The following DMD variants were observed in gnomAD, a reference collection of about 807,000 sequenced individuals.
DMD encodes mutant dystrophin.
DMD carries 63 observed loss-of-function variants against 330.1 expected under a neutral mutation model. The ratio of observed to expected loss-of-function variants is 0.19; its 90% CI spans 0.16 to 0.24. DMD has a LOEUF of 0.24. Ranked by LOEUF, DMD falls within the 10% of genes least tolerant of loss-of-function variation. The probability of loss-of-function intolerance (pLI) is 1.00; values close to 1 mark genes in which losing one functional copy is unlikely to be tolerated. For missense variants in DMD, 3,344 were observed against 2,684.1 expected (o/e 1.25, Z -5.43); for synonymous variants, 1,223 against 959.8 (o/e 1.27, Z -5.07).
At chrX:32,730,087 T>C (rs977343668) in intron 7 of DMD, among the ~76,000 whole-genome samples, 2 of 112,011 alleles carry the variant, frequency 1.8e-5, no homozygotes, top group Admixed American at 9.5e-5. Context: ...AATCTCAGCA[T>C]TTTCGGAGGC....
At chrX:32,681,544 G>A (rs1036877576) in intron 9 of DMD, among the ~76,000 whole-genome samples, 4 of 111,527 alleles carry the variant, frequency 3.6e-5, no homozygotes, top group East Asian at 2.8e-4. Context: ...TATATTGCAG[G>A]ACCTGCTTCA....
intron 6 of DMD, 92 bp from the exon 7 acceptor site, chrX:32,809,703 T>G (rs978423184): frequency 1.1e-5 from 8 of 711,623 alleles, no homozygotes; most frequent in Non-Finnish European, 1.8e-5. Context: ...TAATTTTCAT[T>G]GACAACCAAT....
chrX:32,871,449 T>C (rs2082990744), intron 2 of DMD, among the ~76,000 whole-genome samples: 1 of 111,183 alleles, frequency 9.0e-6, no homozygotes, highest in Non-Finnish European at 1.9e-5. Flanking sequence ...GGAAGCTATA[T>C]ATGTGTACTT....
chrX:32,328,401 AC>A (rs1337545957), intron 41 of DMD, among the ~76,000 whole-genome samples: 24 of 111,701 alleles, frequency 2.1e-4, no homozygotes, highest in African/African-American at 7.8e-4. Flanking sequence ...ATGTCGTGAT[AC>A]CCTAATTCTA....
At chrX:33,038,394 T>C (rs1255664447) in intron 1 of DMD, among the ~76,000 whole-genome samples, 1 of 112,335 alleles carries the variant, frequency 8.9e-6, no homozygotes, top group Non-Finnish European at 1.9e-5. Flanking sequence ...GTGATTACTA[T>C]TAATATAAAC....
chrX:32,779,809 G>A (rs1186086592), intron 7 of DMD, among the ~76,000 whole-genome samples: 1 of 108,285 alleles, frequency 9.2e-6, no homozygotes, highest in Non-Finnish European at 1.9e-5. Flanking sequence ...CATGGCACAT[G>A]TATACATATG....
Position 32,464,712 on chromosome X carries a change from C to A in DMD, c.3163-13G>T. The A allele has an allele frequency of 1.8e-6, 2 of 1,094,995 alleles. No individual in the cohort carries two copies. The highest frequency in any genetic ancestry group is 1.8e-5 in the South Asian group (1 of 54,351). The allele number at this position is 1,094,995 out of a possible 1,213,427, so 90.2% of individuals were successfully genotyped here. ...TTTGTATGTGATTCTGAAACGAGAC[C>A]CGTTATAAGGCATTACTGGTGTGCT... On this transcript the variant is annotated splice_polypyrimidine_tract_variant and intron_variant, in intron 23 of 78. Transcript: ENST00000357033.
chrX:31,743,996 G>T (rs970337562), intron 51 of DMD, among the ~76,000 whole-genome samples: 1 of 110,642 alleles, frequency 9.0e-6, no homozygotes, highest in Admixed American at 9.6e-5. Context: ...AGCTGGCAGG[G>T]CTCCTTACAG....
intron 2 of DMD, among the ~76,000 whole-genome samples, chrX:33,002,850 G>GAAAAAAAAAAAAAAAAAAAAAAAAAAAA (rs145168802): frequency 2.6e-5 from 1 of 38,759 alleles, no homozygotes; most frequent in Non-Finnish European, 4.3e-5. Flanking sequence ...TTTTTTTCTC[G>GAAAAAAAAAAAAAAAAAAAAAAAAAAAA]AAAAAAAAAA....
rs150692967 is a variant in DMD, at chrX:32,501,789, T to C, written c.2346A>G (p.Arg782=). Residue 782 remains arginine (R), a synonymous_variant, in exon 19 of 79, where the codon AGA becomes AGG. Coordinates refer to ENST00000357033, the MANE Select transcript of DMD (RefSeq NM_004006.3). The part of the protein sequence containing the change: ...EKFRKLQDAS[R]SAQALVEQMV... ...TCTGTTCCACCAGGGCCTGAGCTGA[T>C]CTGCTGGCATCTTGCAGTTTTCTGA... 8.3e-7 allele frequency: 1 copy of C among 1,209,658 alleles called. No homozygotes were observed. The highest frequency in any genetic ancestry group is 1.1e-6 in the Non-Finnish European group (1 of 894,233).
At chrX:31,284,522 C>A (rs1385601998) in intron 62 of DMD, among the ~76,000 whole-genome samples, 1 of 102,391 alleles carries the variant, frequency 9.8e-6, no homozygotes, top group Non-Finnish European at 2.0e-5. Context: ...AAAGGAAACA[C>A]AAACTCCTTC....
At chrX:32,357,179 G>A (rs1164359068) in intron 37 of DMD, among the ~76,000 whole-genome samples, 4 of 112,081 alleles carry the variant, frequency 3.6e-5, no homozygotes, top group Non-Finnish European at 5.6e-5. Flanking sequence ...GTGAGCCACC[G>A]CACCAGGCCT....
chrX:32,558,938 C>CTTTTT lies in DMD; in HGVS notation c.1992+6759_1992+6763dup, dbSNP rs60739281. 4.1e-3 allele frequency among the ~76,000 whole-genome samples: 206 copies of CTTTTT among 50,807 alleles called. 13 individuals are homozygous for CTTTTT. Among genetic ancestry groups the CTTTTT allele is most frequent in the Non-Finnish European group, 4.6e-3 (148 of 32,095 alleles). The allele number at this position is 50,807 out of a possible 115,157, so 44.1% of individuals were successfully genotyped here. The stretch of plus-strand genomic sequence containing the variant: ...TATTTGAGATGTAACTTCAAATTTT[C>CTTTTT]TTTTTTTTTTTTTTTTTTTTTTTTT... On this transcript the variant is annotated intron_variant, in intron 16 of 78. Transcript: ENST00000357033.
At chrX:32,778,443 C>A (rs1211015778) in intron 7 of DMD, among the ~76,000 whole-genome samples, 1 of 111,126 alleles carries the variant, frequency 9.0e-6, no homozygotes, top group Non-Finnish European at 1.9e-5. Context: ...AGAAAAAAAA[C>A]TACAGAGAGT....
At chrX:31,953,413 AC>A (rs1361803582) in intron 45 of DMD, among the ~76,000 whole-genome samples, 2 of 112,380 alleles carry the variant, frequency 1.8e-5, no homozygotes, top group Admixed American at 9.4e-5. Flanking sequence ...CCTTGATAGA[AC>A]TATTATGCTT....
At chrX:32,334,964 T>C (rs1238237910) in intron 41 of DMD, among the ~76,000 whole-genome samples, 3 of 111,345 alleles carry the variant, frequency 2.7e-5, no homozygotes, top group Non-Finnish European at 3.8e-5. Flanking sequence ...AAGTTTGGCG[T>C]CTTCCATTTC....
chrX:31,709,584 CTGTGTG>C (rs55768943), intron 52 of DMD, among the ~76,000 whole-genome samples: 52 of 94,039 alleles, frequency 5.5e-4, no homozygotes, highest in South Asian at 1.6e-3. Context: ...CTCTCTCTGT[CTGTGTG>C]TGTGTGTGTG....
chrX:32,333,641 T>C (rs751067324), intron 41 of DMD, among the ~76,000 whole-genome samples: 29 of 111,514 alleles, frequency 2.6e-4, no homozygotes, highest in Non-Finnish European at 4.9e-4. Flanking sequence ...GGAATTTCTA[T>C]TAAGTTTTGA....
chrX:32,357,152 G>A (rs941498416), intron 37 of DMD, among the ~76,000 whole-genome samples: 3 of 112,088 alleles, frequency 2.7e-5, no homozygotes, highest in African/African-American at 9.7e-5. Flanking sequence ...GCCTCCCAAA[G>A]TGTTGGGATT....
Sources: gnomAD v4.1 joint callset for allele counts (sites outside exome capture counted in the v4.1 genomes callset) on GRCh38, gnomAD v4.1.1 for gene constraint, MANE v1.5 for transcripts, NCBI Gene and HGNC (gene_info 2026-07-23, HGNC 2026-07-21) for gene names.